Variants in TENM1 observed in about 807,000 individuals in gnomAD.
The protein encoded by TENM1 is teneurin transmembrane protein 1, also known as teneurin-1.
In TENM1, 35 loss-of-function variants were observed where a neutral mutation model predicts 174.8. The ratio of observed to expected loss-of-function variants is 0.20; its 90% CI spans 0.15 to 0.27. The LOEUF (loss-of-function observed/expected upper bound fraction) is 0.27. Among genes scored for constraint, TENM1 ranks in the 10% least tolerant of loss-of-function variants. The pLI, the probability that TENM1 is intolerant of heterozygous loss-of-function variation, is 1.00. For synonymous variants in TENM1, 781 were observed against 798.7 expected (o/e 0.98, Z 0.37); for missense variants, 1,633 against 2,130.1 (o/e 0.77, Z 4.59).
chrX:125,199,765 A>T, the TENM1 span, among the ~76,000 whole-genome samples: 8 of 111,974 alleles, frequency 7.1e-5, no homozygotes, highest in Non-Finnish European at 1.3e-4. Context: ...TGTCACCTGT[A>T]AAAATATTTA....
intron 5 of TENM1, among the ~76,000 whole-genome samples, chrX:124,694,334 T>G (rs1405009487): frequency 8.9e-6 from 1 of 111,927 alleles, no homozygotes; most frequent in East Asian, 2.8e-4. Context: ...TTCTTTTCCA[T>G]TTAGCCTCTA....
chrX:124,957,880 A>G (rs2058600550), intron 1 of TENM1, among the ~76,000 whole-genome samples: 1 of 111,838 alleles, frequency 8.9e-6, no homozygotes, highest in East Asian at 2.8e-4. Flanking sequence ...TAAAATGGAG[A>G]TATTCAAAAA....
the TENM1 span, among the ~76,000 whole-genome samples, chrX:125,191,933 TG>T: frequency 4.5e-5 from 5 of 110,134 alleles, no homozygotes; most frequent in Non-Finnish European, 9.5e-5. Context: ...GTTTTTTTTT[TG>T]TTTTTTTTTG....
At chrX:124,991,201 C>G in the TENM1 span, among the ~76,000 whole-genome samples, 1 of 111,201 alleles carries the variant, frequency 9.0e-6, no homozygotes, top group East Asian at 2.8e-4. Flanking sequence ...TACTTAGGAG[C>G]TTCATATAGG....
intron 3 of TENM1, among the ~76,000 whole-genome samples, chrX:124,739,162 T>C (rs886111011): frequency 1.8e-5 from 2 of 111,386 alleles, no homozygotes; most frequent in South Asian, 7.6e-4. Context: ...GTTTAAGTTC[T>C]GCCTCTACCC....
At chrX:124,920,702 G>T (rs903973807) in intron 1 of TENM1, among the ~76,000 whole-genome samples, 1 of 110,100 alleles carries the variant, frequency 9.1e-6, no homozygotes, top group Admixed American at 9.6e-5. Flanking sequence ...AGGTGAAAAA[G>T]TTACTTCATT....
chrX:124,839,467 A>AT (rs1272747698), intron 3 of TENM1, among the ~76,000 whole-genome samples: 1 of 111,478 alleles, frequency 9.0e-6, no homozygotes, highest in Non-Finnish European at 1.9e-5. Context: ...TAAATGCCAT[A>AT]TTTTCTGCAC....
intron 3 of TENM1, among the ~76,000 whole-genome samples, chrX:124,784,947 T>C (rs911729371): frequency 2.7e-5 from 3 of 111,504 alleles, no homozygotes; most frequent in Non-Finnish European, 5.7e-5. Flanking sequence ...ATTTCTCACT[T>C]TTTTGTTTAC....
the TENM1 span, among the ~76,000 whole-genome samples, chrX:125,170,116 T>C: frequency 9.0e-6 from 1 of 111,687 alleles, no homozygotes; most frequent in South Asian, 3.7e-4. Flanking sequence ...GCAAGGCCTT[T>C]ATCTCCTTAA....
intron 15 of TENM1, among the ~76,000 whole-genome samples, chrX:124,541,668 A>G (rs2048322891): frequency 8.9e-6 from 1 of 112,190 alleles, no homozygotes; most frequent in Admixed American, 9.5e-5. Flanking sequence ...CTCACACTTC[A>G]AAATCATAAC....
Position 124,766,162 on chromosome X carries a change from C to A in TENM1, c.536-28965G>T, listed in dbSNP as rs192486428. ...ATATATCAAAAACCAGAGGAGTTAA[C>A]TGACTTTACTAAGGCCATAGAGATT... is the stretch of plus-strand genomic sequence containing the variant. On this transcript the variant is annotated intron_variant, in intron 3 of 31. Coordinates refer to ENST00000422452, the Ensembl canonical transcript of TENM1. Among the ~76,000 whole-genome samples the A allele has an allele frequency of 1.1e-3, 126 of 111,571 alleles. 1 individual carries two copies. Among genetic ancestry groups the A allele is most frequent in the African/African-American group, 4.0e-3 (123 of 30,776 alleles).
At chrX:124,417,689 T>C (rs2060609797) in intron 25 of TENM1, among the ~76,000 whole-genome samples, 1 of 111,393 alleles carries the variant, frequency 9.0e-6, no homozygotes, top group African/African-American at 3.3e-5. Context: ...TCTAGACTCA[T>C]ATATCCAATT....
the TENM1 span, among the ~76,000 whole-genome samples, chrX:125,162,063 A>G: frequency 8.9e-6 from 1 of 111,977 alleles, no homozygotes; most frequent in South Asian, 3.7e-4. Flanking sequence ...CTTAAAAAGT[A>G]ACAAGAATCA....
chrX:124,735,085 A>G (rs771526548), intron 4 of TENM1, among the ~76,000 whole-genome samples: 3 of 112,502 alleles, frequency 2.7e-5, no homozygotes, highest in African/African-American at 9.7e-5. Context: ...AACAACAAAA[A>G]TAGACAAATT....
At position 124,523,696 on chromosome X, in the gene TENM1, A is replaced by G. The variant is rs954783195; in HGVS notation, c.2772-71T>C. 1.1e-5 allele frequency: 12 copies of G among 1,050,878 alleles called. No individual in the cohort carries two copies. The Middle Eastern group carries it at 9.1e-4, about 80-fold the overall frequency. 86.6% of individuals were successfully genotyped at this position (1,050,878 alleles called of 1,213,427 possible). ...AAAAATTACAGTTAAAAAATAGGTT[A>G]ATTTCAGTGCCCTTTCCTTTTTGGG... On this transcript the variant is annotated intron_variant, in intron 16 of 31. Coordinates refer to ENST00000422452, the Ensembl canonical transcript of TENM1.
the TENM1 span, among the ~76,000 whole-genome samples, chrX:125,122,337 G>C: frequency 9.0e-6 from 1 of 111,349 alleles, no homozygotes; most frequent in African/African-American, 3.3e-5. Flanking sequence ...GCTTTACTGT[G>C]AGAAGGAAAC....
intron 3 of TENM1, among the ~76,000 whole-genome samples, chrX:124,833,381 C>T (rs1360152454): frequency 8.9e-6 from 1 of 112,015 alleles, no homozygotes; most frequent in Non-Finnish European, 1.9e-5. Flanking sequence ...ATACTGGAGC[C>T]ATAGTGTTAA....
At chrX:124,946,782 A>C (rs1425140863) in intron 1 of TENM1, among the ~76,000 whole-genome samples, 3 of 111,085 alleles carry the variant, frequency 2.7e-5, no homozygotes, top group Non-Finnish European at 1.9e-5. Context: ...GTAGGGAATG[A>C]AATAAGAAAG....
At chrX:124,557,838 T>G (rs1471153279) in intron 14 of TENM1, among the ~76,000 whole-genome samples, 1 of 112,019 alleles carries the variant, frequency 8.9e-6, no homozygotes, top group Non-Finnish European at 1.9e-5. Context: ...ATGTCCAAAC[T>G]TTTTTTCTGA....
Sources: allele counts gnomAD v4.1 joint callset (sites outside exome capture counted in the v4.1 genomes callset), GRCh38; gene constraint gnomAD v4.1.1; transcripts MANE v1.5; gene names NCBI Gene and HGNC (gene_info 2026-07-23, HGNC 2026-07-21).